Variants in GALNT13 observed in about 807,000 individuals in gnomAD.
GALNT13 encodes UDP-GalNAc:polypeptide N-acetylgalactosaminyltransferase 13.
Under a neutral mutation model 64.2 loss-of-function variants are expected in GALNT13, and 28 were observed. The observed-to-expected ratio is 0.44, with a 90% CI of 0.32 to 0.60. GALNT13 has a LOEUF of 0.60. Among genes scored for constraint, GALNT13 ranks in the 20% least tolerant of loss-of-function variants. The probability of loss-of-function intolerance (pLI) is 0.05; values close to 1 mark genes in which losing one functional copy is unlikely to be tolerated. For synonymous variants in GALNT13, 214 were observed against 224.6 expected (o/e 0.95, Z 0.42); for missense variants, 577 against 669.8 (o/e 0.86, Z 1.53).
Position 154,076,480 on chromosome 2 carries a change from T to G in GALNT13, c.143-63857T>G, listed in dbSNP as rs1414084572. Among the ~76,000 whole-genome samples the G allele has an allele frequency of 2.0e-5, 3 of 151,706 alleles. No homozygotes were observed. In the East Asian group the frequency reaches 5.8e-4, roughly 29 times the overall value. On this transcript the variant is annotated intron_variant, in intron 3 of 12. Coordinates refer to ENST00000392825, the MANE Select transcript of GALNT13 (RefSeq NM_052917.4). The stretch of plus-strand genomic sequence containing the variant: ...GAGAGTTTGAGTAACTTACCCATAC[T>G]GAGAGATTTAATAAATGGTGCAGCT...
Position 154,283,673 on chromosome 2 carries a change from T to A in GALNT13, c.976-17736T>A, listed in dbSNP as rs1692091203. Among the ~76,000 whole-genome samples, 3 of 151,822 alleles carry A rather than the reference T, an allele frequency of 2.0e-5. No individual in the cohort carries two copies. The South Asian group carries it at 6.2e-4, about 32-fold the overall frequency. On this transcript the variant is annotated intron_variant, in intron 8 of 12. Coordinates refer to ENST00000392825, the MANE Select transcript of GALNT13 (RefSeq NM_052917.4). ...CATGAGTGGGGCTATAAGGCTAATATATACAAAATACACACACACATACAC... is the reference window on the plus strand; with the variant it reads ...CATGAGTGGGGCTATAAGGCTAATAAATACAAAATACACACACACATACAC...
At chr2:153,502,054 T>G in the GALNT13 span, among the ~76,000 whole-genome samples, 1 of 152,306 alleles carries the variant, frequency 6.6e-6, no homozygotes, top group South Asian at 2.1e-4. Flanking sequence ...AAAAAATTAT[T>G]TATTTTTTGT....
the GALNT13 span, among the ~76,000 whole-genome samples, chr2:153,507,321 C>T: frequency 2.0e-4 from 31 of 152,052 alleles, no homozygotes; most frequent in Admixed American, 3.9e-4. Flanking sequence ...CTCACTCTGT[C>T]GCCAGGCTGG....
At chr2:153,831,464 A>C in the GALNT13 span, among the ~76,000 whole-genome samples, 1 of 152,044 alleles carries the variant, frequency 6.6e-6, no homozygotes, top group African/African-American at 2.4e-5. Context: ...TCTTCCTAGA[A>C]TGCTTCTTCC....
chr2:153,582,132 G>T, the GALNT13 span, among the ~76,000 whole-genome samples: 1 of 152,022 alleles, frequency 6.6e-6, no homozygotes, highest in Non-Finnish European at 1.5e-5. Flanking sequence ...TGTTGTTTCT[G>T]GATATTTACC....
At chr2:153,181,543 C>T in the GALNT13 span, among the ~76,000 whole-genome samples, 1 of 149,912 alleles carries the variant, frequency 6.7e-6, no homozygotes, top group African/African-American at 2.4e-5. Context: ...AGTGTTTATG[C>T]TCAATATTTA....
chr2:153,647,905 C>T, the GALNT13 span, among the ~76,000 whole-genome samples: 3 of 152,132 alleles, frequency 2.0e-5, no homozygotes. Context: ...AGCGTGATGT[C>T]TCCAGCTTTG....
At chr2:153,178,732 CTT>C in the GALNT13 span, among the ~76,000 whole-genome samples, 1,456 of 98,312 alleles carry the variant, frequency 0.015, 14 homozygotes, top group African/African-American at 0.048. Context: ...TTCTCTTCTT[CTT>C]TTTTTTTTTT....
At chr2:153,747,563 G>C in the GALNT13 span, among the ~76,000 whole-genome samples, 3 of 151,568 alleles carry the variant, frequency 2.0e-5, no homozygotes, top group Admixed American at 6.6e-5. Context: ...TGGAAGCTGG[G>C]ATTACGGGTG....
At chr2:153,432,407 A>C in the GALNT13 span, among the ~76,000 whole-genome samples, 1 of 152,198 alleles carries the variant, frequency 6.6e-6, no homozygotes. Flanking sequence ...GAAGGGGTTT[A>C]ATTAACTTTC....
chr2:153,258,938 A>G, the GALNT13 span, among the ~76,000 whole-genome samples: 2 of 152,206 alleles, frequency 1.3e-5, no homozygotes, highest in Non-Finnish European at 2.9e-5. Flanking sequence ...ATTAGATGAA[A>G]TGTTCTGTAA....
intron 8 of GALNT13, among the ~76,000 whole-genome samples, chr2:154,282,699 T>C (rs1240547058): frequency 6.6e-6 from 1 of 152,134 alleles, no homozygotes; most frequent in African/African-American, 2.4e-5. Flanking sequence ...ATGCAAAATA[T>C]TTTGTTTAAA....
chr2:153,236,641 C>G, the GALNT13 span, among the ~76,000 whole-genome samples: 1 of 152,000 alleles, frequency 6.6e-6, no homozygotes, highest in Non-Finnish European at 1.5e-5. Flanking sequence ...TTTAAGCTGA[C>G]TGTTGAGACC....
At chr2:153,862,975 T>C in the GALNT13 span, among the ~76,000 whole-genome samples, 5 of 152,128 alleles carry the variant, frequency 3.3e-5, no homozygotes. Flanking sequence ...CATTCTTTTT[T>C]CATTTAATGT....
At chr2:154,351,004 C>T (rs138364934) in intron 9 of GALNT13, among the ~76,000 whole-genome samples, 14 of 152,156 alleles carry the variant, frequency 9.2e-5, no homozygotes, top group African/African-American at 2.2e-4. Flanking sequence ...GTATGGGAAA[C>T]GCAGTGGAGC....
the GALNT13 span, among the ~76,000 whole-genome samples, chr2:153,174,526 G>A: frequency 7.2e-6 from 1 of 139,408 alleles, no homozygotes; most frequent in African/African-American, 2.7e-5. Context: ...CACAAGTTTT[G>A]GATTCTTTTT....
chr2:153,843,489 A>G, the GALNT13 span, among the ~76,000 whole-genome samples: 1 of 152,306 alleles, frequency 6.6e-6, no homozygotes, highest in South Asian at 2.1e-4. Flanking sequence ...ACATCTCAAC[A>G]TGAGATTTAG....
At chr2:154,240,246 A>C (rs1689410777) in intron 4 of GALNT13, among the ~76,000 whole-genome samples, 1 of 152,222 alleles carries the variant, frequency 6.6e-6, no homozygotes, top group Non-Finnish European at 1.5e-5. Context: ...TACACATATC[A>C]TTGATCCAAG....
chr2:153,128,484 C>T, the GALNT13 span, among the ~76,000 whole-genome samples: 5 of 151,824 alleles, frequency 3.3e-5, no homozygotes, highest in East Asian at 1.9e-4. Flanking sequence ...TCCCACAACA[C>T]GTGGGAATTA....
Sources: allele counts gnomAD v4.1 joint callset (sites outside exome capture counted in the v4.1 genomes callset), GRCh38; gene constraint gnomAD v4.1.1; transcripts MANE v1.5; gene names NCBI Gene and HGNC (gene_info 2026-07-23, HGNC 2026-07-21).